Variants in RAB7A observed in about 807,000 individuals in gnomAD.
RAB7A encodes ras-related protein Rab-7a.
In RAB7A, 2 loss-of-function variants were observed where a neutral mutation model predicts 24.5. The ratio of observed to expected loss-of-function variants is 0.08; its 90% CI spans 0.03 to 0.26. The LOEUF is 0.26. RAB7A is among the 10% of genes least tolerant of loss of function. RAB7A has a pLI of 1.00. For synonymous variants in RAB7A, 100 were observed against 95.9 expected, an observed-to-expected ratio of 1.04 and a Z score of -0.25; for missense variants, 118 against 255.7, an observed-to-expected ratio of 0.46 and a Z score of 3.67.
intron 1 of RAB7A, among the ~76,000 whole-genome samples, chr3:128,742,397 C>T (rs907981470): frequency 6.6e-6 from 1 of 152,130 alleles, no homozygotes; most frequent in Non-Finnish European, 1.5e-5. Flanking sequence ...AGCGGGTTGC[C>T]CATGCTGGCT....
At chr3:128,748,553 G>A (rs2070644327) in intron 1 of RAB7A, 1 of 152,284 alleles carries the variant, frequency 6.6e-6, no homozygotes, top group Admixed American at 6.5e-5. Flanking sequence ...ACCAGGACTA[G>A]GTATGTGGCC....
intron 1 of RAB7A, among the ~76,000 whole-genome samples, chr3:128,739,301 G>C (rs1371682688): frequency 6.6e-6 from 1 of 152,252 alleles, no homozygotes; most frequent in East Asian, 1.9e-4. Flanking sequence ...CCTGAGGTCA[G>C]GAGTTCAAGA....
intron 1 of RAB7A, among the ~76,000 whole-genome samples, chr3:128,730,419 G>A (rs1192899882): frequency 3.9e-5 from 6 of 151,940 alleles, no homozygotes; most frequent in Admixed American, 1.3e-4. Context: ...TAGTAGAGAC[G>A]GGGTTTCACC....
intron 1 of RAB7A, among the ~76,000 whole-genome samples, chr3:128,794,818 G>A (rs1191733507): frequency 6.6e-6 from 1 of 152,020 alleles, no homozygotes; most frequent in Non-Finnish European, 1.5e-5. Flanking sequence ...ACTTGGCATT[G>A]AGTATACAGT....
intron 1 of RAB7A, among the ~76,000 whole-genome samples, chr3:128,777,539 A>G (rs1260599681): frequency 2.0e-5 from 3 of 152,166 alleles, no homozygotes; most frequent in African/African-American, 7.2e-5. Context: ...CTGCCTTGCA[A>G]AACTCCTTAG....
chr3:128,735,147 A>G (rs529886810), intron 1 of RAB7A, among the ~76,000 whole-genome samples: 1 of 152,336 alleles, frequency 6.6e-6, no homozygotes, highest in Admixed American at 6.5e-5. Context: ...TTGTAAATAC[A>G]GGGCAGATGA....
chr3:128,731,819 A>G (rs1020306852), intron 1 of RAB7A, among the ~76,000 whole-genome samples: 1 of 151,986 alleles, frequency 6.6e-6, no homozygotes, highest in Non-Finnish European at 1.5e-5. Context: ...CATCCTGGCC[A>G]ACGTGGTGAA....
At chr3:128,734,292 G>A (rs1181152133) in intron 1 of RAB7A, among the ~76,000 whole-genome samples, 1 of 151,822 alleles carries the variant, frequency 6.6e-6, no homozygotes, top group African/African-American at 2.4e-5. Context: ...TTAGCCAGGC[G>A]TGGTGGTGGG....
intron 1 of RAB7A, among the ~76,000 whole-genome samples, chr3:128,760,851 CCA>C (rs200274114): frequency 0.012 from 1,779 of 152,270 alleles, 32 homozygotes; most frequent in African/African-American, 0.038. Context: ...ACTGCCGGTC[CCA>C]TAGCGACTTC....
chr3:128,756,212 T>C (rs534839887), intron 1 of RAB7A, among the ~76,000 whole-genome samples: 2 of 152,184 alleles, frequency 1.3e-5, no homozygotes, highest in South Asian at 4.1e-4. Context: ...GGCACATGCC[T>C]GTAATCCCAG....
At chr3:128,768,969 C>CTTTTTTTTTTTTTTTTTTTTTTT (rs35457218) in intron 1 of RAB7A, among the ~76,000 whole-genome samples, 1 of 72,606 alleles carries the variant, frequency 1.4e-5, no homozygotes, top group African/African-American at 6.5e-5. Context: ...TCTTTCTTTC[C>CTTTTTTTTTTTTTTTTTTTTTTT]TTTTTTTTTT....
intron 1 of RAB7A, among the ~76,000 whole-genome samples, chr3:128,788,423 A>G (rs778440630): frequency 1.1e-4 from 16 of 151,848 alleles, no homozygotes; most frequent in Non-Finnish European, 1.2e-4. Context: ...TGCAAAAGGT[A>G]AAAGCCACAG....
intron 1 of RAB7A, among the ~76,000 whole-genome samples, chr3:128,738,158 G>T (rs947084680): frequency 6.6e-6 from 1 of 152,070 alleles, no homozygotes; most frequent in East Asian, 1.9e-4. Flanking sequence ...TCAGCCTCCT[G>T]AGTAGCTGGG....
chr3:128,800,054 A>T (rs1345190737), intron 3 of RAB7A, among the ~76,000 whole-genome samples: 3 of 152,248 alleles, frequency 2.0e-5, no homozygotes, highest in African/African-American at 4.8e-5. Context: ...TATTGAAATA[A>T]GCTAAAGGAA....
intron 1 of RAB7A, among the ~76,000 whole-genome samples, chr3:128,754,820 T>A (rs2070716233): frequency 1.3e-5 from 2 of 152,142 alleles, no homozygotes; most frequent in Admixed American, 6.6e-5. Flanking sequence ...CATTATATAT[T>A]AATAAAAGGT....
At chr3:128,810,844 A>G (rs1212033298) in intron 5 of RAB7A, among the ~76,000 whole-genome samples, 1 of 152,166 alleles carries the variant, frequency 6.6e-6, no homozygotes, top group Non-Finnish European at 1.5e-5. Context: ...ACCTTAGGTC[A>G]GGAGTTCAAG....
chr3:128,811,698 A>T (rs1933930343), intron 5 of RAB7A, among the ~76,000 whole-genome samples: 1 of 151,988 alleles, frequency 6.6e-6, no homozygotes, highest in South Asian at 2.1e-4. Flanking sequence ...AAAAATTAAA[A>T]ATTAGCTAGG....
intron 5 of RAB7A, among the ~76,000 whole-genome samples, chr3:128,809,970 A>T (rs1933891998): frequency 4.6e-5 from 1 of 21,632 alleles, no homozygotes; most frequent in Admixed American, 6.8e-4. Context: ...TTTTTTTGAG[A>T]CGGAGTCTTG....
rs553813614 is a variant in RAB7A at position 128,814,623 on chromosome 3, C to G, written c.*1201C>G. ...AATATTGCCCATTATTAATTAACCT[C>G]TTTCTTTGGTTGGAACCCTGGCAGT... On this transcript the variant is annotated 3_prime_UTR_variant, in exon 6 of 6. Coordinates refer to ENST00000265062, the MANE Select transcript of RAB7A (RefSeq NM_004637.6). 6.6e-6 allele frequency: 1 copy of G among 152,522 alleles called. No individual in the cohort carries two copies. Among genetic ancestry groups the G allele is most frequent in the African/African-American group, 2.4e-5 (1 of 41,352 alleles). 9.4% of individuals were successfully genotyped at this position (152,522 alleles called of 1,614,324 possible).
Sources: allele counts gnomAD v4.1 joint callset (sites outside exome capture counted in the v4.1 genomes callset), GRCh38; gene constraint gnomAD v4.1.1; transcripts MANE v1.5; gene names NCBI Gene and HGNC (gene_info 2026-07-23, HGNC 2026-07-21).